Variants in NFIA observed in about 807,000 individuals in gnomAD.
NFIA encodes nuclear factor I A, also known as nuclear factor 1 A-type.
Under a neutral mutation model 62.8 loss-of-function variants are expected in NFIA, and 8 were observed. That is an observed-to-expected ratio of 0.13 (90% confidence interval 0.07 to 0.23). The LOEUF (loss-of-function observed/expected upper bound fraction) is 0.23. NFIA is among the 10% of genes least tolerant of loss of function. The pLI, the probability that NFIA is intolerant of heterozygous loss-of-function variation, is 1.00. For synonymous variants in NFIA, 235 were observed against 238.1 expected (o/e 0.99, Z 0.12); for missense variants, 410 against 642.1 (o/e 0.64, Z 3.91).
intron 2 of NFIA, among the ~76,000 whole-genome samples, chr1:61,234,014 A>T (rs1654832776): frequency 6.6e-6 from 1 of 152,190 alleles, no homozygotes; most frequent in Non-Finnish European, 1.5e-5. Context: ...GTTTTAAATC[A>T]TCTGGTCAGA....
chr1:61,137,969 A>G (rs1324209147), intron 2 of NFIA, among the ~76,000 whole-genome samples: 5 of 120,066 alleles, frequency 4.2e-5, no homozygotes, highest in Non-Finnish European at 7.1e-5. Flanking sequence ...TTTTTTTTCT[A>G]TTGAAGGAGG....
intron 2 of NFIA, among the ~76,000 whole-genome samples, chr1:61,119,873 G>A (rs1409144929): frequency 2.0e-5 from 3 of 152,134 alleles, no homozygotes; most frequent in African/African-American, 7.2e-5. Context: ...TAACAGCCTT[G>A]CCTCTGTATG....
intron 2 of NFIA, among the ~76,000 whole-genome samples, chr1:61,212,206 C>T (rs1653309194): frequency 6.6e-6 from 1 of 152,142 alleles, no homozygotes; most frequent in Admixed American, 6.5e-5. Flanking sequence ...GGCAGAACAT[C>T]AAAGACAGAT....
rs187487074 is a variant in NFIA, at chr1:61,249,381, G to A, written c.560-28139G>A. ...AAACAATGAAATAATCTTACTGTAAGAAAAATAATTCAGCCAACACGTTTT... is the reference window on the plus strand; with the variant it reads ...AAACAATGAAATAATCTTACTGTAAAAAAAATAATTCAGCCAACACGTTTT... On this transcript the variant is annotated intron_variant, in intron 2 of 10. Transcript: ENST00000403491. 5.6e-4 allele frequency among the ~76,000 whole-genome samples: 85 copies of A among 152,272 alleles called. 1 individual carries two copies. In the East Asian group the frequency reaches 0.014, roughly 25 times the overall value.
chr1:61,157,135 G>C (rs1173645844), intron 2 of NFIA, among the ~76,000 whole-genome samples: 1 of 152,140 alleles, frequency 6.6e-6, no homozygotes, highest in Non-Finnish European at 1.5e-5. Context: ...CATAGATTCT[G>C]GTATCATATC....
chr1:61,096,375 G>T (rs1646413428), intron 2 of NFIA, among the ~76,000 whole-genome samples: 1 of 151,564 alleles, frequency 6.6e-6, no homozygotes, highest in African/African-American at 2.4e-5. Flanking sequence ...CCCCATGCAT[G>T]TAATTTTTAG....
chr1:61,428,787 G>A (rs1323891463), intron 10 of NFIA, among the ~76,000 whole-genome samples: 3 of 152,050 alleles, frequency 2.0e-5, no homozygotes, highest in African/African-American at 7.2e-5. Context: ...AACATGGTCG[G>A]CAGATTTCCT....
chr1:61,321,568 A>G (rs1326105010), intron 3 of NFIA, among the ~76,000 whole-genome samples: 3 of 152,164 alleles, frequency 2.0e-5, no homozygotes, highest in East Asian at 3.8e-4. Flanking sequence ...TGTTCTGCCT[A>G]TACCAGAGGA....
chr1:61,177,109 CA>C (rs1260368221), intron 2 of NFIA, among the ~76,000 whole-genome samples: 219 of 136,536 alleles, frequency 1.6e-3, no homozygotes, highest in Non-Finnish European at 1.4e-3. Flanking sequence ...CTGTCTCAAC[CA>C]AAAAAAAAAA....
chr1:61,424,024 CT>C (rs1666755341), intron 9 of NFIA, among the ~76,000 whole-genome samples: 1 of 151,850 alleles, frequency 6.6e-6, no homozygotes, highest in South Asian at 2.1e-4. Context: ...TGCAAACCCC[CT>C]AGCACCTCTC....
intron 2 of NFIA, among the ~76,000 whole-genome samples, chr1:61,142,233 A>C (rs1260066209): frequency 6.6e-6 from 1 of 152,216 alleles, no homozygotes; most frequent in Non-Finnish European, 1.5e-5. Context: ...TGCAATTTCA[A>C]ATGAGAAATT....
At position 61,383,400 on chromosome 1, in the gene NFIA, A is replaced by T; in HGVS notation, c.1075+35A>T. On this transcript the variant is annotated intron_variant, in intron 7 of 10. Transcript: ENST00000403491. ...TCCACAGGCACCCTTGGTTGTGCTT[A>T]TATCATGGCCTTTGGACCCAAGTAG... 3 of 1,612,552 alleles carry T rather than the reference A, an allele frequency of 1.9e-6. No homozygotes were observed. In the South Asian group the frequency reaches 3.3e-5, roughly 18 times the overall value.
chr1:61,266,160 T>C (rs904983853), intron 2 of NFIA, among the ~76,000 whole-genome samples: 1 of 152,016 alleles, frequency 6.6e-6, no homozygotes, highest in Non-Finnish European at 1.5e-5. Context: ...AATTTACATA[T>C]CCAAGGGAAA....
At chr1:61,286,011 C>G (rs1658465990) in intron 3 of NFIA, among the ~76,000 whole-genome samples, 2 of 152,116 alleles carry the variant, frequency 1.3e-5, no homozygotes, top group Admixed American at 1.3e-4. Context: ...GTCAAATTAG[C>G]AAAAGAGACT....
At chr1:61,349,779 G>A (rs568770011) in intron 4 of NFIA, among the ~76,000 whole-genome samples, 3 of 151,950 alleles carry the variant, frequency 2.0e-5, no homozygotes, top group South Asian at 2.1e-4. Context: ...TTTCTGTGGA[G>A]ACATAGTCTC....
chr1:61,252,942 G>A (rs181324074), intron 2 of NFIA, among the ~76,000 whole-genome samples: 7 of 152,228 alleles, frequency 4.6e-5, no homozygotes, highest in Admixed American at 1.3e-4. Context: ...TACCTACCAA[G>A]GGAAAAAAAG....
chr1:61,223,585 A>T (rs888418623), intron 2 of NFIA, among the ~76,000 whole-genome samples: 1 of 152,090 alleles, frequency 6.6e-6, no homozygotes, highest in Non-Finnish European at 1.5e-5. Flanking sequence ...ATTATATTTT[A>T]AAAATTTTAT....
chr1:61,395,198 T>C (rs1665201558), intron 7 of NFIA, among the ~76,000 whole-genome samples: 1 of 152,106 alleles, frequency 6.6e-6, no homozygotes, highest in South Asian at 2.1e-4. Flanking sequence ...TCTGACAATT[T>C]GGTGGAGAGA....
At chr1:61,341,873 A>G (rs1041524400) in intron 4 of NFIA, among the ~76,000 whole-genome samples, 1 of 152,224 alleles carries the variant, frequency 6.6e-6, no homozygotes, top group African/African-American at 2.4e-5. Context: ...CTGAAAAACT[A>G]GAAGGGGTTT....
Sources: gnomAD v4.1 joint callset for allele counts (sites outside exome capture counted in the v4.1 genomes callset) on GRCh38, gnomAD v4.1.1 for gene constraint, MANE v1.5 for transcripts, NCBI Gene and HGNC (gene_info 2026-07-23, HGNC 2026-07-21) for gene names.